GNS: variants seen among roughly 807,000 people sequenced by gnomAD.
GNS encodes N-acetylglucosamine-6-sulfatase.
In GNS, 40 loss-of-function variants were observed where a neutral mutation model predicts 69.7. That is an observed-to-expected ratio of 0.57 (90% CI 0.45 to 0.75). The LOEUF (loss-of-function observed/expected upper bound fraction) is 0.75. GNS is among the 30% of genes least tolerant of loss of function. The pLI is 0.00. For missense variants in GNS, 565 were observed against 685.5 expected, an observed-to-expected ratio of 0.82 and a Z score of 1.96; for synonymous variants, 243 against 251.6, an observed-to-expected ratio of 0.97 and a Z score of 0.32.
intron 1 of GNS, among the ~76,000 whole-genome samples, chr12:64,755,731 T>C (rs1398216030): frequency 7.0e-6 from 1 of 143,866 alleles, no homozygotes; most frequent in Non-Finnish European, 1.5e-5. Flanking sequence ...CAGGCTAGAG[T>C]GCGGTGGCAC....
In GNS at chr12:64,713,830, T is replaced by C. The variant is rs535614611; in HGVS notation, c.*2911A>G. 2.0e-5 allele frequency: 3 copies of C among 152,326 alleles called. No homozygotes were observed. The East Asian group carries it at 5.8e-4, about 29-fold the overall frequency. The allele number at this position is 152,326 out of a possible 1,614,324, so 9.4% of individuals were successfully genotyped here. ...ATTTTGTACAACAGCCCTAGTGTTG[T>C]CAATTAAAATGTGTTTGCAGGCCGG... On this transcript the variant is annotated 3_prime_UTR_variant, in exon 14 of 14. Coordinates refer to ENST00000258145, the MANE Select transcript of GNS (RefSeq NM_002076.4).
intron 2 of GNS, among the ~76,000 whole-genome samples, chr12:64,748,669 CTTT>C (rs1238501048): frequency 6.6e-6 from 1 of 152,144 alleles, no homozygotes. Context: ...TGGACACAGA[CTTT>C]TTTTCCCTAC....
intron 4 of GNS, among the ~76,000 whole-genome samples, chr12:64,745,285 T>C (rs896486289): frequency 1.6e-5 from 2 of 127,070 alleles, no homozygotes; most frequent in Non-Finnish European, 1.6e-5. Context: ...AGTGGCACAA[T>C]CACAGCTCAC....
In GNS at chr12:64,714,517, T is replaced by C. The variant is rs1376832550; in HGVS notation, c.*2224A>G. On this transcript the variant is annotated 3_prime_UTR_variant, in exon 14 of 14. Transcript: ENST00000258145. ...TGAAGCCAGTCCAAGAAAAAAAGAA[T>C]TGGAAGCTATTTGAAGGTTAGATAG... 1 of 152,086 alleles carries C rather than the reference T, an allele frequency of 6.6e-6. No homozygotes were observed. Among genetic ancestry groups the C allele is most frequent in the Non-Finnish European group, 1.5e-5 (1 of 68,010 alleles). The allele number at this position is 152,086 out of a possible 1,614,324, so 9.4% of individuals were successfully genotyped here. A position where few individuals can be genotyped will look rare whatever the true frequency, so the allele number is the denominator to read the frequency against.
At chr12:64,724,784 C>A (rs1869141844) in intron 10 of GNS, among the ~76,000 whole-genome samples, 1 of 152,144 alleles carries the variant, frequency 6.6e-6, no homozygotes, top group African/African-American at 2.4e-5. Context: ...TTGCTTGAAC[C>A]CGGACGGCAG....
chr12:64,716,903 G>C lies in GNS; in HGVS notation c.1581-84C>G, dbSNP rs2279598. ...ATTCAGTGGAAAGGATAGCAGGAAG[G>C]GGTGTAAAAGAAACAAATCACCAGA... On this transcript the variant is annotated intron_variant, in intron 13 of 13. Coordinates refer to ENST00000258145, the MANE Select transcript of GNS (RefSeq NM_002076.4). 8.8e-3 allele frequency: 7,785 copies of C among 884,658 alleles called. 229 individuals carry two copies. In the East Asian group the frequency reaches 0.11, roughly 12 times the overall value. 54.8% of individuals were successfully genotyped at this position (884,658 alleles called of 1,614,324 possible). A position where few individuals can be genotyped will look rare whatever the true frequency, so the allele number is the denominator to read the frequency against.
chr12:64,754,580 C>A (rs1489519955), intron 1 of GNS, among the ~76,000 whole-genome samples: 1 of 152,018 alleles, frequency 6.6e-6, no homozygotes, highest in Non-Finnish European at 1.5e-5. Context: ...GTCAGTGATG[C>A]AGGGCCACAT....
intron 10 of GNS, 110 bp from the exon 11 acceptor site, chr12:64,723,223 C>T (rs1869089336): frequency 2.7e-6 from 2 of 729,826 alleles, no homozygotes; most frequent in Admixed American, 2.0e-5. Context: ...TTGGACTGTT[C>T]ATTCAGTAAC....
At position 64,739,111 on chromosome 12, in the gene GNS, A is replaced by C. The variant is rs1156291435; in HGVS notation, c.994+270T>G. 2.0e-5 allele frequency among the ~76,000 whole-genome samples: 3 copies of C among 152,164 alleles called. No individual in the cohort carries two copies. The East Asian group carries it at 5.8e-4, about 29-fold the overall frequency. On this transcript the variant is annotated intron_variant, in intron 8 of 13. Transcript: ENST00000258145. The stretch of plus-strand genomic sequence containing the variant: ...GGTCTTCCTATCTCAAATGCCTTCC[A>C]TACGGCCTGCCTCCAACCCATCAAG...
Position 64,716,469 on chromosome 12 carries a change from A to T in GNS, c.*272T>A, listed in dbSNP as rs909025207. The T allele has an allele frequency of 2.0e-6, 1 of 496,002 alleles. No homozygotes were observed. The highest frequency in any genetic ancestry group is 3.3e-5 in the Admixed American group (1 of 30,710). The allele number at this position is 496,002 out of a possible 1,614,324, so 30.7% of individuals were successfully genotyped here. Reference sequence around the variant, plus strand: ...ATCAAGAACTGTGGCCCCAGGATAAAAAGAATACAGTGAGAACAAAGACCT... The same window carrying T: ...ATCAAGAACTGTGGCCCCAGGATAATAAGAATACAGTGAGAACAAAGACCT... On this transcript the variant is annotated 3_prime_UTR_variant, in exon 14 of 14. Transcript: ENST00000258145.
At chr12:64,745,835 A>C in intron 3 of GNS, 111 bp from the exon 4 acceptor site, 1 of 743,554 alleles carries the variant, frequency 1.3e-6, no homozygotes, top group Non-Finnish European at 2.5e-6. Flanking sequence ...CATAGTAGGT[A>C]CCTAATTTCC....
At chr12:64,727,814 T>G (rs1869255946) in intron 10 of GNS, among the ~76,000 whole-genome samples, 1 of 152,144 alleles carries the variant, frequency 6.6e-6, no homozygotes, top group Non-Finnish European at 1.5e-5. Flanking sequence ...CCTATTAGAG[T>G]GACTAATGTG....
At chr12:64,756,996 T>TG (rs1870272216) in intron 1 of GNS, among the ~76,000 whole-genome samples, 1 of 152,132 alleles carries the variant, frequency 6.6e-6, no homozygotes, top group African/African-American at 2.4e-5. Flanking sequence ...TTGGGCAACA[T>TG]GGAGAAATCC....
intron 9 of GNS, among the ~76,000 whole-genome samples, chr12:64,736,665 A>C (rs1214659549): frequency 6.6e-6 from 1 of 152,248 alleles, no homozygotes; most frequent in East Asian, 1.9e-4. Context: ...ATATTGCCCA[A>C]GCACGTACCA....
intron 2 of GNS, among the ~76,000 whole-genome samples, chr12:64,750,203 C>T (rs1229340839): frequency 5.3e-5 from 8 of 151,946 alleles, no homozygotes; most frequent in Non-Finnish European, 1.0e-4. Context: ...CTCGCCACCA[C>T]GCCCGGCTAA....
chr12:64,758,769 A>T (rs1281218036), intron 1 of GNS, among the ~76,000 whole-genome samples: 1 of 152,184 alleles, frequency 6.6e-6, no homozygotes, highest in Non-Finnish European at 1.5e-5. Context: ...GCTCTTAGAC[A>T]GCACCTGATC....
At chr12:64,731,808 C>T (rs1339927084) in intron 9 of GNS, among the ~76,000 whole-genome samples, 3 of 152,090 alleles carry the variant, frequency 2.0e-5, no homozygotes, top group East Asian at 1.9e-4. Flanking sequence ...CAGTGGCTCT[C>T]GCTGGTAATC....
intron 12 of GNS, among the ~76,000 whole-genome samples, chr12:64,720,656 A>C (rs1868997641): frequency 6.6e-6 from 1 of 152,226 alleles, no homozygotes; most frequent in African/African-American, 2.4e-5. Flanking sequence ...TGTGTTATAC[A>C]AATGTTAAGT....
intron 1 of GNS, 128 bp from the exon 2 acceptor site, chr12:64,752,885 C>G (rs993653935): frequency 4.4e-6 from 3 of 687,762 alleles, no homozygotes; most frequent in Non-Finnish European, 2.6e-6. Context: ...AAGCAACAGC[C>G]AAAGAGAGTC....
Sources: allele counts gnomAD v4.1 joint callset (sites outside exome capture counted in the v4.1 genomes callset), GRCh38; gene constraint gnomAD v4.1.1; transcripts MANE v1.5; gene names NCBI Gene and HGNC (gene_info 2026-07-23, HGNC 2026-07-21).